The following WDFY3 variants were observed in gnomAD, a reference collection of about 807,000 sequenced individuals.
WDFY3 encodes the protein WD repeat and FYVE domain-containing protein 3.
WDFY3 carries 66 observed loss-of-function variants against 409.6 expected under a neutral mutation model. That is an observed-to-expected ratio of 0.16 (90% CI 0.13 to 0.20). WDFY3 has a LOEUF of 0.20. Among genes scored for constraint, WDFY3 ranks in the 10% least tolerant of loss-of-function variants. The probability of loss-of-function intolerance (pLI) is 1.00; values close to 1 mark genes in which losing one functional copy is unlikely to be tolerated. For missense variants in WDFY3, 3,031 were observed against 4,298.1 expected (o/e 0.71, Z 8.24); for synonymous variants, 1,521 against 1,537.1 (o/e 0.99, Z 0.25).
At chr4:84,851,385 C>A (rs528524288) in intron 4 of WDFY3, among the ~76,000 whole-genome samples, 1 of 152,092 alleles carries the variant, frequency 6.6e-6, no homozygotes, top group Non-Finnish European at 1.5e-5. Flanking sequence ...ACTTCATATT[C>A]TCCCAAGCCA....
intron 2 of WDFY3, among the ~76,000 whole-genome samples, chr4:84,911,062 T>C (rs976088931): frequency 1.3e-5 from 2 of 151,908 alleles, no homozygotes; most frequent in East Asian, 1.9e-4. Flanking sequence ...AGGAACAAAA[T>C]AGATAAACTG....
At chr4:84,740,505 T>G in intron 38 of WDFY3, 89 bp from the exon 39 acceptor site, 1 of 1,236,118 alleles carries the variant, frequency 8.1e-7, no homozygotes, top group Admixed American at 2.0e-5. Context: ...TTAGGTCTAT[T>G]ATATACCAGA....
At chr4:84,907,866 C>T (rs577368532) in intron 2 of WDFY3, among the ~76,000 whole-genome samples, 7 of 151,828 alleles carry the variant, frequency 4.6e-5, no homozygotes, top group African/African-American at 1.5e-4. Context: ...GTGCTCTAAA[C>T]GGATAAATAG....
rs892071086 is a variant in WDFY3, at chr4:84,879,061, G to T, written c.-32+17850C>A. Among the ~76,000 whole-genome samples, 53 of 152,130 alleles carry T rather than the reference G, an allele frequency of 3.5e-4. 1 individual carries two copies. The highest frequency in any genetic ancestry group is 1.2e-3 in the African/African-American group (51 of 41,428). ...AACTTTCCTTAAAAGTGACAACAAT[G>T]GCTGCAATGGACTAGAGACAAAACT... On this transcript the variant is annotated intron_variant, in intron 3 of 67. Transcript: ENST00000295888.
chr4:84,702,539 G>T, intron 55 of WDFY3, 33 bp from the exon 56 acceptor site: 1 of 1,530,824 alleles, frequency 6.5e-7, no homozygotes, highest in Non-Finnish European at 8.8e-7. Flanking sequence ...CTCTATTAGA[G>T]AACCGTTCCC....
intron 27 of WDFY3, among the ~76,000 whole-genome samples, chr4:84,777,378 A>G (rs1745732359): frequency 6.6e-6 from 1 of 152,116 alleles, no homozygotes; most frequent in Non-Finnish European, 1.5e-5. Context: ...CTTACATAAA[A>G]TAATGAAAAC....
In WDFY3 at chr4:84,694,404, T is replaced by C. The variant is rs115627170; in HGVS notation, c.8902-1372A>G. ...ACTCAATGTGTGTCCCAGAAATATG[T>C]TGGCATCCAAACGATACTTCCCAGA... On this transcript the variant is annotated intron_variant, in intron 58 of 67. Coordinates refer to ENST00000295888, the MANE Select transcript of WDFY3 (RefSeq NM_014991.6). 5.6e-3 allele frequency among the ~76,000 whole-genome samples: 848 copies of C among 152,328 alleles called. 7 individuals are homozygous for C. Among genetic ancestry groups the C allele is most frequent in the Non-Finnish European group, 7.8e-3 (534 of 68,026 alleles).
chr4:84,880,674 C>CACACATAT (rs1218696740), intron 3 of WDFY3, among the ~76,000 whole-genome samples: 67 of 50,358 alleles, frequency 1.3e-3, no homozygotes, highest in Non-Finnish European at 1.9e-3. Context: ...GGGAACCATA[C>CACACATAT]ATATATATAT....
chr4:84,887,904 C>G (rs573736818), intron 3 of WDFY3, among the ~76,000 whole-genome samples: 3 of 152,082 alleles, frequency 2.0e-5, no homozygotes, highest in Non-Finnish European at 2.9e-5. Context: ...ACAAAATGAT[C>G]AAGTATTTTT....
Position 84,801,810 on chromosome 4 carries a change from T to C in WDFY3, c.2662A>G (p.Thr888Ala), listed in dbSNP as rs750255203. The C allele has an allele frequency of 2.5e-6, 4 of 1,614,204 alleles. No individual in the cohort carries two copies. Among genetic ancestry groups the C allele is most frequent in the East Asian group, 2.2e-5 (1 of 44,886 alleles). ...CACATGACTTGCTGGTTCCTTTCTG[T>C]GTGCACCAGGGATTGTAAAATATTT... ...VANILQSLVHTERNQQVMCEA... is the reference protein window; with the variant it reads ...VANILQSLVHAERNQQVMCEA... Residue 888 changes from threonine (T) to alanine (A), a missense_variant, in exon 17 of 68, where the codon ACA becomes GCA. Thr to Ala is a moderately conservative substitution (Grantham distance 58, BLOSUM62 0). Transcript: ENST00000295888.
At position 84,678,905 on chromosome 4, in the gene WDFY3, A is replaced by G. The variant is rs1282880976; in HGVS notation, c.10147+14T>C. ...ATATAAGGAGTGAGAAATAGATACCAGACTTCAAGTTACCAGGTTTCAATC... is the reference window on the plus strand; with the variant it reads ...ATATAAGGAGTGAGAAATAGATACCGGACTTCAAGTTACCAGGTTTCAATC... On this transcript the variant is annotated intron_variant, in intron 65 of 67. Transcript: ENST00000295888. 1.9e-6 allele frequency: 3 copies of G among 1,602,344 alleles called. No homozygotes were observed. The highest frequency in any genetic ancestry group is 2.2e-5 in the South Asian group (2 of 89,188).
Position 84,810,209 on chromosome 4 carries a change from T to C in WDFY3, c.2023A>G (p.Lys675Glu), listed in dbSNP as rs1255897251. 2 of 1,614,130 alleles carry C rather than the reference T, an allele frequency of 1.2e-6. No individual in the cohort carries two copies. The highest frequency in any genetic ancestry group is 1.3e-5 in the African/African-American group (1 of 75,030). The change falls in exon 14 of 68, where the codon AAA becomes GAA. Residue 675 changes from lysine (K) to glutamate (E), a missense_variant. This residue lies in a region of WDFY3 where 1,322 missense variants were observed against 1,697.9 expected (regional missense o/e 0.78). Transcript: ENST00000295888. Reference protein sequence around the residue: ...LSCPPKNGWEKVNQNQVFELL... With the variant: ...LSCPPKNGWEEVNQNQVFELL... ...TCAAACACTTGATTCTGGTTCACTT[T>C]CTCCCAGCCATTCTTGGGTGGACAG...
intron 1 of WDFY3, among the ~76,000 whole-genome samples, chr4:84,939,952 C>T (rs1019476585): frequency 6.6e-6 from 1 of 152,088 alleles, no homozygotes; most frequent in Admixed American, 6.6e-5. Context: ...AATACACATA[C>T]AAATTTATGT....
chr4:84,753,984 G>A (rs1740980314), intron 34 of WDFY3, 108 bp from the exon 35 acceptor site: 4 of 1,209,642 alleles, frequency 3.3e-6, no homozygotes, highest in African/African-American at 1.6e-5. Context: ...ATATATTGAT[G>A]GTCCAGAACT....
intron 32 of WDFY3, among the ~76,000 whole-genome samples, chr4:84,761,379 T>C (rs987564428): frequency 3.3e-5 from 5 of 152,168 alleles, no homozygotes; most frequent in Admixed American, 2.6e-4. Context: ...TCCTGTCTCC[T>C]TGATCTGTCT....
intron 2 of WDFY3, among the ~76,000 whole-genome samples, chr4:84,922,463 T>G (rs1486407224): frequency 2.0e-5 from 3 of 151,958 alleles, no homozygotes; most frequent in Admixed American, 6.5e-5. Flanking sequence ...CTTTAAACTT[T>G]AATTTATTAA....
intron 2 of WDFY3, among the ~76,000 whole-genome samples, chr4:84,918,857 A>G (rs766757768): frequency 1.3e-5 from 2 of 151,542 alleles, no homozygotes; most frequent in African/African-American, 2.4e-5. Flanking sequence ...ACACATATAT[A>G]TATATACACA....
intron 30 of WDFY3, among the ~76,000 whole-genome samples, chr4:84,767,619 A>G (rs1743896555): frequency 1.3e-5 from 2 of 150,718 alleles, no homozygotes; most frequent in South Asian, 4.2e-4. Context: ...TGAACACGCA[A>G]TGATAAAAAA....
At chr4:84,715,919 A>G (rs531016711) in intron 49 of WDFY3, among the ~76,000 whole-genome samples, 19 of 151,646 alleles carry the variant, frequency 1.3e-4, no homozygotes, top group Admixed American at 3.3e-4. Flanking sequence ...GAATAAAAAA[A>G]GTAATTATAA....
Sources: gnomAD v4.1 joint callset for allele counts (sites outside exome capture counted in the v4.1 genomes callset) on GRCh38, gnomAD v4.1.1 for gene constraint, gnomAD v4.1.1 regional missense constraint, MANE v1.5 for transcripts, NCBI Gene and HGNC (gene_info 2026-07-23, HGNC 2026-07-21) for gene names.